Variants in GABRB1 observed in about 807,000 individuals in gnomAD.
GABRB1 encodes the protein gamma-aminobutyric acid type A receptor subunit beta1.
GABRB1 carries 17 observed loss-of-function variants against 51.6 expected under a neutral mutation model. That is an observed-to-expected ratio of 0.33 (90% CI 0.23 to 0.49). The LOEUF (loss-of-function observed/expected upper bound fraction) is 0.49. GABRB1 is among the 20% of genes least tolerant of loss of function. The pLI, the probability that GABRB1 is intolerant of heterozygous loss-of-function variation, is 0.99. For synonymous variants in GABRB1, 247 were observed against 218.9 expected, an observed-to-expected ratio of 1.13 and a Z score of -1.14; for missense variants, 410 against 600.6, an observed-to-expected ratio of 0.68 and a Z score of 3.32.
At chr4:47,415,368 T>C (rs1017905085) in intron 8 of GABRB1, among the ~76,000 whole-genome samples, 77 of 152,158 alleles carry the variant, frequency 5.1e-4, no homozygotes, top group African/African-American at 1.8e-3. Flanking sequence ...ATTGACTTTG[T>C]TTTGACCCTT....
chr4:47,278,430 G>C (rs1723161686), intron 4 of GABRB1, among the ~76,000 whole-genome samples: 1 of 152,100 alleles, frequency 6.6e-6, no homozygotes, highest in Admixed American at 6.5e-5. Context: ...TTTTTAATTT[G>C]CAGGAGGTGT....
intron 3 of GABRB1, among the ~76,000 whole-genome samples, chr4:47,097,690 G>T (rs1206473936): frequency 1.3e-5 from 2 of 152,134 alleles, no homozygotes; most frequent in Non-Finnish European, 2.9e-5. Context: ...TACATATTAA[G>T]TGAATAAATG....
intron 3 of GABRB1, among the ~76,000 whole-genome samples, chr4:47,069,505 C>A (rs1727223265): frequency 6.6e-6 from 1 of 152,160 alleles, no homozygotes; most frequent in African/African-American, 2.4e-5. Flanking sequence ...AGCCAATATT[C>A]TGTAGTTTCT....
intron 4 of GABRB1, among the ~76,000 whole-genome samples, chr4:47,222,122 G>A (rs1204584020): frequency 6.6e-6 from 1 of 152,046 alleles, no homozygotes; most frequent in Non-Finnish European, 1.5e-5. Flanking sequence ...AAACAAGAAA[G>A]CAAAGCATCA....
intron 3 of GABRB1, among the ~76,000 whole-genome samples, chr4:47,123,542 A>T (rs1715907349): frequency 1.2e-5 from 1 of 83,200 alleles, no homozygotes. Context: ...TTCATATATT[A>T]TAATATATTA....
At chr4:47,291,017 A>G (rs1723705282) in intron 4 of GABRB1, among the ~76,000 whole-genome samples, 1 of 152,200 alleles carries the variant, frequency 6.6e-6, no homozygotes. Context: ...TTCCCAAGAC[A>G]ATGGGGAAAA....
chr4:47,094,856 G>A (rs760400666), intron 3 of GABRB1, among the ~76,000 whole-genome samples: 7 of 152,196 alleles, frequency 4.6e-5, no homozygotes, highest in Non-Finnish European at 5.9e-5. Context: ...GAGTTGAGGT[G>A]TCCAAGCTTT....
intron 5 of GABRB1, among the ~76,000 whole-genome samples, chr4:47,345,048 T>G (rs1726040412): frequency 6.6e-6 from 1 of 152,172 alleles, no homozygotes; most frequent in South Asian, 2.1e-4. Flanking sequence ...ACTCTCAGTC[T>G]GTAAAATGTT....
intron 3 of GABRB1, among the ~76,000 whole-genome samples, chr4:47,050,713 A>T (rs1726312202): frequency 1.3e-5 from 2 of 152,182 alleles, no homozygotes; most frequent in South Asian, 4.1e-4. Flanking sequence ...ATTGACAACA[A>T]ATGTTCAACT....
chr4:47,250,279 C>T (rs1364680452), intron 4 of GABRB1, among the ~76,000 whole-genome samples: 1 of 152,114 alleles, frequency 6.6e-6, no homozygotes, highest in Non-Finnish European at 1.5e-5. Flanking sequence ...AAGATAGACC[C>T]CCAATCCCTT....
intron 5 of GABRB1, among the ~76,000 whole-genome samples, chr4:47,395,550 T>C (rs1436380086): frequency 1.3e-5 from 2 of 152,182 alleles, no homozygotes; most frequent in Non-Finnish European, 2.9e-5. Context: ...TCCCTGCTCA[T>C]AAAATTCTTT....
chr4:47,085,607 G>T (rs1728025172), intron 3 of GABRB1, among the ~76,000 whole-genome samples: 1 of 152,138 alleles, frequency 6.6e-6, no homozygotes, highest in South Asian at 2.1e-4. Flanking sequence ...AACAGAGCTT[G>T]TTTTTCAAGG....
chr4:47,399,394 T>C lies in GABRB1; in HGVS notation c.545-3924T>C, dbSNP rs879140451. Reference sequence around the variant, plus strand: ...TGTTTTGGAACTGTTTAAGTAGCAATAGAATTATCAGTTCTTAAATGTCTG... The same window carrying C: ...TGTTTTGGAACTGTTTAAGTAGCAACAGAATTATCAGTTCTTAAATGTCTG... On this transcript the variant is annotated intron_variant, in intron 5 of 8. Transcript: ENST00000295454. Among the ~76,000 whole-genome samples, 7 of 152,366 alleles carry C rather than the reference T, an allele frequency of 4.6e-5. No individual in the cohort carries two copies. In the South Asian group the frequency reaches 1.2e-3, roughly 27 times the overall value.
At chr4:47,355,923 A>G (rs965644945) in intron 5 of GABRB1, among the ~76,000 whole-genome samples, 10 of 152,150 alleles carry the variant, frequency 6.6e-5, no homozygotes, top group African/African-American at 2.2e-4. Flanking sequence ...AACCCTTCTA[A>G]GTCTGTGTTT....
intron 4 of GABRB1, among the ~76,000 whole-genome samples, chr4:47,293,220 C>T (rs1723821884): frequency 6.6e-6 from 1 of 152,178 alleles, no homozygotes; most frequent in Non-Finnish European, 1.5e-5. Context: ...CATCTCACCA[C>T]AACCTCCGCC....
At chr4:47,374,287 G>A (rs1020000008) in intron 5 of GABRB1, among the ~76,000 whole-genome samples, 6 of 152,132 alleles carry the variant, frequency 3.9e-5, no homozygotes, top group African/African-American at 1.2e-4. Flanking sequence ...TACTCAGGAC[G>A]CTGGGGTGCA....
At chr4:47,207,477 G>A (rs943995042) in intron 4 of GABRB1, among the ~76,000 whole-genome samples, 4 of 151,980 alleles carry the variant, frequency 2.6e-5, no homozygotes, top group African/African-American at 9.7e-5. Flanking sequence ...TAGTTTTCAG[G>A]AACGTATTAT....
chr4:47,317,494 A>T (rs1169396628), intron 4 of GABRB1, among the ~76,000 whole-genome samples: 1 of 152,026 alleles, frequency 6.6e-6, no homozygotes, highest in Non-Finnish European at 1.5e-5. Context: ...AGACAACAAA[A>T]GATACACTTA....
intron 3 of GABRB1, among the ~76,000 whole-genome samples, chr4:47,151,019 C>G (rs1236405741): frequency 1.3e-5 from 2 of 151,812 alleles, no homozygotes; most frequent in Admixed American, 6.6e-5. Context: ...TCAGGCTATT[C>G]ATTCTATTTT....
Sources: allele counts gnomAD v4.1 joint callset (sites outside exome capture counted in the v4.1 genomes callset), GRCh38; gene constraint gnomAD v4.1.1; transcripts MANE v1.5; gene names NCBI Gene and HGNC (gene_info 2026-07-23, HGNC 2026-07-21).